Variants in NAALADL2 observed in about 807,000 individuals in gnomAD.
The protein encoded by NAALADL2 is inactive N-acetylated-alpha-linked acidic dipeptidase-like protein 2.
A neutral mutation model predicts 87.2 loss-of-function variants in NAALADL2; 76 were observed. The ratio of observed to expected loss-of-function variants is 0.87; its 90% CI spans 0.72 to 1.05. NAALADL2 has a LOEUF of 1.05. NAALADL2 is among the 50% of genes least tolerant of loss of function. The probability of loss-of-function intolerance (pLI) is 0.00; values close to 1 mark genes in which losing one functional copy is unlikely to be tolerated. For synonymous variants in NAALADL2, 354 were observed against 331.0 expected, an observed-to-expected ratio of 1.07 and a Z score of -0.75; for missense variants, 1,089 against 945.8, an observed-to-expected ratio of 1.15 and a Z score of -1.99.
At chr3:174,622,247 G>A (rs1264598863) in intron 2 of NAALADL2, among the ~76,000 whole-genome samples, 1 of 152,158 alleles carries the variant, frequency 6.6e-6, no homozygotes, top group African/African-American at 2.4e-5. Flanking sequence ...AGAATGAAGA[G>A]GAGGATAGGC....
chr3:174,643,940 C>T (rs959208894), intron 2 of NAALADL2, among the ~76,000 whole-genome samples: 15 of 152,118 alleles, frequency 9.9e-5, no homozygotes, highest in East Asian at 1.9e-4. Context: ...TATTATGTTA[C>T]GGATAGTGGA....
intron 11 of NAALADL2, among the ~76,000 whole-genome samples, chr3:175,698,483 T>TTATTTATA (rs1553953640): frequency 1.5e-5 from 1 of 67,774 alleles, no homozygotes; most frequent in African/African-American, 9.0e-5. Context: ...GTATATATAT[T>TTATTTATA]TATATATATA....
chr3:175,336,988 C>T (rs1391964835), intron 5 of NAALADL2, among the ~76,000 whole-genome samples: 1 of 152,044 alleles, frequency 6.6e-6, no homozygotes, highest in Admixed American at 6.6e-5. Context: ...AGATAATGTG[C>T]TTTAGGCAAT....
intron 1 of NAALADL2, among the ~76,000 whole-genome samples, chr3:174,966,903 C>T (rs1742956724): frequency 6.6e-6 from 1 of 151,762 alleles, no homozygotes; most frequent in South Asian, 2.1e-4. Flanking sequence ...GTAAGAGATT[C>T]CCCCAGAAAG....
At chr3:174,776,684 G>A (rs1052269936) in intron 3 of NAALADL2, among the ~76,000 whole-genome samples, 6 of 152,040 alleles carry the variant, frequency 3.9e-5, no homozygotes, top group Non-Finnish European at 5.9e-5. Flanking sequence ...ATTGCTTTTA[G>A]TTTTACTTAT....
At chr3:175,381,335 G>A (rs962434903) in intron 5 of NAALADL2, among the ~76,000 whole-genome samples, 1 of 151,516 alleles carries the variant, frequency 6.6e-6, no homozygotes, top group Non-Finnish European at 1.5e-5. Context: ...AATAAATGCA[G>A]TATATATTTC....
upstream of NAALADL2, among the ~76,000 whole-genome samples, chr3:174,854,723 T>G (rs933172917): frequency 4.0e-5 from 6 of 151,686 alleles, no homozygotes; most frequent in African/African-American, 1.5e-4. Flanking sequence ...CAAAAAACTT[T>G]AAAAGAATAA....
chr3:174,522,851 G>A (rs1297857857), intron 1 of NAALADL2, among the ~76,000 whole-genome samples: 4 of 150,310 alleles, frequency 2.7e-5, no homozygotes, highest in African/African-American at 9.8e-5. Flanking sequence ...GGAGAATGGC[G>A]TGAACCCGGG....
chr3:175,148,025 G>A (rs1316433324), intron 2 of NAALADL2, among the ~76,000 whole-genome samples: 1 of 150,286 alleles, frequency 6.7e-6, no homozygotes, highest in Non-Finnish European at 1.5e-5. Flanking sequence ...AGCCGAGACT[G>A]GGCCATTGCA....
At chr3:175,203,518 G>A (rs565556814) in intron 2 of NAALADL2, among the ~76,000 whole-genome samples, 3 of 152,264 alleles carry the variant, frequency 2.0e-5, no homozygotes, top group Admixed American at 6.5e-5. Context: ...TGCAGGAGCC[G>A]TCTGCTTCCT....
chr3:175,273,783 A>G (rs182303423), intron 4 of NAALADL2, among the ~76,000 whole-genome samples: 1 of 152,128 alleles, frequency 6.6e-6, no homozygotes. Flanking sequence ...TGTTTTAGAT[A>G]TACATCTATT....
chr3:174,469,930 A>G (rs1173286959), intron 1 of NAALADL2, among the ~76,000 whole-genome samples: 1 of 152,162 alleles, frequency 6.6e-6, no homozygotes, highest in Non-Finnish European at 1.5e-5. Flanking sequence ...ACAAACTGCT[A>G]TTATATTGTC....
chr3:174,676,875 A>G (rs894923842), intron 2 of NAALADL2, among the ~76,000 whole-genome samples: 3 of 152,034 alleles, frequency 2.0e-5, no homozygotes, highest in Non-Finnish European at 4.4e-5. Flanking sequence ...ACATATTTAT[A>G]GAAATGAATA....
intron 1 of NAALADL2, among the ~76,000 whole-genome samples, chr3:174,913,993 G>A (rs1734037537): frequency 6.6e-6 from 1 of 151,372 alleles, no homozygotes; most frequent in Non-Finnish European, 1.5e-5. Flanking sequence ...ATCTCTATAA[G>A]CAGGAGATTA....
At chr3:175,003,364 C>T (rs1748503624) in intron 1 of NAALADL2, among the ~76,000 whole-genome samples, 1 of 151,954 alleles carries the variant, frequency 6.6e-6, no homozygotes, top group South Asian at 2.1e-4. Context: ...CAAAAAACAA[C>T]AAAAAAGTAA....
intron 2 of NAALADL2, among the ~76,000 whole-genome samples, chr3:174,687,295 T>C (rs1312267065): frequency 6.6e-6 from 1 of 152,188 alleles, no homozygotes; most frequent in Non-Finnish European, 1.5e-5. Flanking sequence ...CAGGTATCTA[T>C]GCTTCCCTTA....
chr3:175,083,008 T>C (rs770885743), intron 1 of NAALADL2, among the ~76,000 whole-genome samples: 1 of 152,220 alleles, frequency 6.6e-6, no homozygotes, highest in Non-Finnish European at 1.5e-5. Flanking sequence ...CCCCTTGAGA[T>C]GTAAGATACA....
intron 13 of NAALADL2, among the ~76,000 whole-genome samples, chr3:175,784,984 G>A (rs1168791449): frequency 6.7e-6 from 1 of 149,606 alleles, no homozygotes; most frequent in Non-Finnish European, 1.5e-5. Context: ...TCAGGAGCAG[G>A]TTGTCCAGTT....
chr3:174,935,892 A>G (rs1240965512), intron 1 of NAALADL2, among the ~76,000 whole-genome samples: 2 of 152,176 alleles, frequency 1.3e-5, no homozygotes, highest in Non-Finnish European at 2.9e-5. Flanking sequence ...ACTTTAAAAA[A>G]TAAAGATAGA....
Sources: gnomAD v4.1 joint callset for allele counts (sites outside exome capture counted in the v4.1 genomes callset) on GRCh38, gnomAD v4.1.1 for gene constraint, MANE v1.5 for transcripts, NCBI Gene and HGNC (gene_info 2026-07-23, HGNC 2026-07-21) for gene names.